NUTM2E: variants seen among roughly 807,000 people sequenced by gnomAD.
NUTM2E encodes family with sequence similarity 22, member E.
Under a neutral mutation model 26.1 loss-of-function variants are expected in NUTM2E, and 3 were observed. That is an observed-to-expected ratio of 0.12 (90% CI 0.05 to 0.30). NUTM2E has a LOEUF of 0.30. Ranked by LOEUF, NUTM2E falls within the 10% of genes least tolerant of loss-of-function variation. The probability of loss-of-function intolerance (pLI) is 1.00; values close to 1 mark genes in which losing one functional copy is unlikely to be tolerated. For missense variants in NUTM2E, 62 were observed against 381.3 expected (o/e 0.16, Z 6.97); for synonymous variants, 13 against 157.5 (o/e 0.08, Z 6.87).
intron 1 of NUTM2E, among the ~76,000 whole-genome samples, chr10:79,829,710 A>G (rs1193099611): frequency 6.6e-6 from 1 of 151,822 alleles, no homozygotes; most frequent in Non-Finnish European, 1.5e-5. Flanking sequence ...ATGTCAAATA[A>G]CAGGCAAAAT....
chr10:79,849,293 C>T, intron 8 of NUTM2E, 78 bp from the exon 9 acceptor site: 15 of 442,484 alleles, frequency 3.4e-5, no homozygotes, highest in Non-Finnish European at 5.7e-5. Context: ...TCGCTGCTTT[C>T]TGCATCTCCT....
intron 5 of NUTM2E, among the ~76,000 whole-genome samples, chr10:79,845,490 T>G (rs1170129585): frequency 9.2e-6 from 1 of 108,996 alleles, no homozygotes; most frequent in African/African-American, 2.9e-5. Flanking sequence ...AGCTCACATA[T>G]GACATGCATA....
chr10:79,833,084 G>A lies in NUTM2E; in HGVS notation c.-2727-5225G>A, dbSNP rs145550801. On this transcript the variant is annotated intron_variant, in intron 1 of 9. Transcript: ENST00000429984. ...GTCACCTATATTGCATAAATAACCA[G>A]AGAAAAGTCACTTATGTGGCCATAA... is the stretch of plus-strand genomic sequence containing the variant. 8.4e-4 allele frequency among the ~76,000 whole-genome samples: 128 copies of A among 151,970 alleles called. 3 individuals carry two copies. Among genetic ancestry groups the A allele is most frequent in the African/African-American group, 2.9e-3 (121 of 41,496 alleles).
At chr10:79,838,701 C>T (rs1172336609) in intron 2 of NUTM2E, among the ~76,000 whole-genome samples, 79 bp from the exon 3 acceptor site, 4 of 151,884 alleles carry the variant, frequency 2.6e-5, no homozygotes, top group Non-Finnish European at 1.5e-5. Context: ...AATGTGGGGT[C>T]GCCCCGCGGA....
intron 1 of NUTM2E, among the ~76,000 whole-genome samples, 56 bp from the exon 2 acceptor site, chr10:79,838,253 A>G (rs1468041595): frequency 8.9e-6 from 1 of 112,130 alleles, no homozygotes; most frequent in African/African-American, 3.2e-5. Context: ...TCCACAACCA[A>G]CTTGTGCTAC....
chr10:79,836,890 T>C (rs1257739451), intron 1 of NUTM2E, among the ~76,000 whole-genome samples: 2 of 151,782 alleles, frequency 1.3e-5, no homozygotes, highest in African/African-American at 4.8e-5. Context: ...ACAAAAACTA[T>C]GGGAACTTTA....
At chr10:79,836,881 CA>C in intron 1 of NUTM2E, among the ~76,000 whole-genome samples, 1 of 134,248 alleles carries the variant, frequency 7.4e-6, no homozygotes. Flanking sequence ...AAAACAAAAA[CA>C]AAAACTATGG....
rs1371433586 is a variant in NUTM2E at position 79,838,814 on chromosome 10, C to T, written c.-2415C>T. Among the ~76,000 whole-genome samples the T allele has an allele frequency of 6.6e-6, 1 of 151,724 alleles. No homozygotes were observed. ...AGAAGGACGCCATGAGAGCGAAGGC[C>T]GTTGGGTCACCGCCCTTTGCTCTCG... On this transcript the variant is annotated 5_prime_UTR_variant, in exon 3 of 10. Transcript: ENST00000429984.
intron 1 of NUTM2E, among the ~76,000 whole-genome samples, chr10:79,831,651 G>A (rs1032117812): frequency 4.6e-5 from 7 of 151,736 alleles, no homozygotes; most frequent in African/African-American, 9.7e-5. Context: ...ATTATACATC[G>A]GGCTTTTTAG....
chr10:79,834,628 A>T (rs1589307135), intron 1 of NUTM2E, among the ~76,000 whole-genome samples: 2 of 150,694 alleles, frequency 1.3e-5, no homozygotes. Flanking sequence ...AGATCACGCC[A>T]CCATACTCCA....
chr10:79,827,917 C>T (rs1841898618), intron 1 of NUTM2E, among the ~76,000 whole-genome samples: 1 of 151,080 alleles, frequency 6.6e-6, no homozygotes, highest in South Asian at 2.1e-4. Context: ...CCTCAGCCTC[C>T]CAAGTAGCTG....
chr10:79,839,571 G>A (rs1294675853), intron 3 of NUTM2E, among the ~76,000 whole-genome samples, 57 bp from the exon 4 acceptor site: 8 of 151,758 alleles, frequency 5.3e-5, no homozygotes, highest in Non-Finnish European at 8.8e-5. Context: ...ACTGACTTCA[G>A]TTTGTAATAC....
intron 1 of NUTM2E, among the ~76,000 whole-genome samples, chr10:79,829,688 G>C (rs1407768634): frequency 6.6e-6 from 1 of 151,764 alleles, no homozygotes; most frequent in African/African-American, 2.4e-5. Context: ...AATGGCCTGC[G>C]AAGAGAAGGG....
chr10:79,833,263 C>G (rs1304286783), intron 1 of NUTM2E, among the ~76,000 whole-genome samples: 1 of 151,704 alleles, frequency 6.6e-6, no homozygotes, highest in Non-Finnish European at 1.5e-5. Flanking sequence ...GGATGTTACT[C>G]CATGAAGAGA....
intron 1 of NUTM2E, among the ~76,000 whole-genome samples, chr10:79,829,641 T>C (rs1209264454): frequency 6.6e-6 from 1 of 151,922 alleles, no homozygotes; most frequent in Non-Finnish European, 1.5e-5. Flanking sequence ...ATTTACTAAA[T>C]GCCAAAGCAG....
chr10:79,830,691 T>C, intron 1 of NUTM2E, among the ~76,000 whole-genome samples: 1 of 45,670 alleles, frequency 2.2e-5, no homozygotes, highest in East Asian at 3.8e-4. Flanking sequence ...TTTAAAATAA[T>C]CAAATTAGCA....
rs779115610 is a variant in NUTM2E, at chr10:79,828,505, TATCTC to T, written c.-2728+1150_-2728+1154del. Among the ~76,000 whole-genome samples the T allele has an allele frequency of 1.6e-4, 24 of 151,936 alleles. 1 individual carries two copies. Among genetic ancestry groups the T allele is most frequent in the East Asian group, 9.6e-4 (5 of 5,184 alleles). On this transcript the variant is annotated intron_variant, in intron 1 of 9. Coordinates refer to ENST00000429984, the MANE Select transcript of NUTM2E (RefSeq NM_001355263.2). Reference sequence around the variant, plus strand: ...CTTCTGTCACACTCTATATTTTTCTTATCTCAAGTAGAAAAAATTTTTGCCCTTTT... The same window carrying T: ...CTTCTGTCACACTCTATATTTTTCTTAAGTAGAAAAAATTTTTGCCCTTTT...
chr10:79,827,807 T>G (rs866073351), intron 1 of NUTM2E, among the ~76,000 whole-genome samples: 1,358 of 103,230 alleles, frequency 0.013, 20 homozygotes, highest in African/African-American at 0.039. Flanking sequence ...TTTTTTTTTT[T>G]TGTTTTTTTT....
chr10:79,830,515 A>G (rs1323556103), intron 1 of NUTM2E, among the ~76,000 whole-genome samples: 1 of 151,806 alleles, frequency 6.6e-6, no homozygotes, highest in Non-Finnish European at 1.5e-5. Flanking sequence ...TTGTCAATGA[A>G]AGTAATAATA....
Sources: allele counts gnomAD v4.1 joint callset (sites outside exome capture counted in the v4.1 genomes callset), GRCh38; gene constraint gnomAD v4.1.1; transcripts MANE v1.5; gene names NCBI Gene and HGNC (gene_info 2026-07-23, HGNC 2026-07-21).